Variants in ZSWIM6 observed in about 807,000 individuals in gnomAD.
ZSWIM6 encodes zinc finger SWIM-type containing 6, also known as zinc finger SWIM domain-containing protein 6.
ZSWIM6 carries 9 observed loss-of-function variants against 113.2 expected under a neutral mutation model. The observed-to-expected ratio is 0.08, with a 90% confidence interval of 0.05 to 0.14. ZSWIM6 has a LOEUF of 0.14. ZSWIM6 is among the 10% of genes least tolerant of loss of function. ZSWIM6 has a pLI of 1.00. For missense variants in ZSWIM6, 1,162 were observed against 1,552.2 expected, an observed-to-expected ratio of 0.75 and a Z score of 4.22; for synonymous variants, 611 against 606.5, an observed-to-expected ratio of 1.01 and a Z score of -0.11.
intron 2 of ZSWIM6, among the ~76,000 whole-genome samples, chr5:61,488,521 G>A (rs1033467965): frequency 3.3e-5 from 5 of 151,810 alleles, no homozygotes; most frequent in East Asian, 1.9e-4. Context: ...CTTTATTACC[G>A]ATTCAGTGTT....
intron 1 of ZSWIM6, among the ~76,000 whole-genome samples, chr5:61,431,282 G>T (rs1351783478): frequency 1.4e-5 from 2 of 148,046 alleles, no homozygotes; most frequent in Non-Finnish European, 3.0e-5. Context: ...CAGAGGCAGG[G>T]GAATCGCTTG....
At chr5:61,433,528 A>G (rs1746630186) in intron 1 of ZSWIM6, among the ~76,000 whole-genome samples, 1 of 150,168 alleles carries the variant, frequency 6.7e-6, no homozygotes. Flanking sequence ...GCTGGAGTGC[A>G]ATGGCGTGAT....
intron 4 of ZSWIM6, among the ~76,000 whole-genome samples, chr5:61,520,404 A>G (rs1408599708): frequency 6.6e-6 from 1 of 152,204 alleles, no homozygotes; most frequent in East Asian, 1.9e-4. Flanking sequence ...GTAGAAAGGA[A>G]TAATTTATCA....
At chr5:61,466,337 T>G (rs993575084) in intron 1 of ZSWIM6, among the ~76,000 whole-genome samples, 1 of 152,172 alleles carries the variant, frequency 6.6e-6, no homozygotes, top group Non-Finnish European at 1.5e-5. Flanking sequence ...GCATTAACAC[T>G]TTTGCATTTT....
At chr5:61,337,744 A>C (rs775789757) in intron 1 of ZSWIM6, among the ~76,000 whole-genome samples, 10 of 152,224 alleles carry the variant, frequency 6.6e-5, no homozygotes, top group Non-Finnish European at 8.8e-5. Context: ...ATGCATAAAA[A>C]CATCTGTAAG....
At chr5:61,481,673 G>A (rs1747870253) in intron 2 of ZSWIM6, among the ~76,000 whole-genome samples, 1 of 151,916 alleles carries the variant, frequency 6.6e-6, no homozygotes, top group African/African-American at 2.4e-5. Context: ...ACCAAATCAA[G>A]CAGTAGACAG....
At chr5:61,466,552 T>A (rs1400162473) in intron 1 of ZSWIM6, among the ~76,000 whole-genome samples, 1 of 152,216 alleles carries the variant, frequency 6.6e-6, no homozygotes, top group Non-Finnish European at 1.5e-5. Flanking sequence ...GTTACTTGGG[T>A]GCCTTGTACA....
chr5:61,332,829 C>T lies in ZSWIM6; in HGVS notation c.557C>T (p.Ala186Val), dbSNP rs776194131. 6.0e-4 allele frequency: 589 copies of T among 984,552 alleles called. No homozygotes were observed. The highest frequency in any genetic ancestry group is 6.7e-4 in the Non-Finnish European group (554 of 828,904). The allele number at this position is 984,552 out of a possible 1,614,324, so 61.0% of individuals were successfully genotyped here. A position where few individuals can be genotyped will look rare whatever the true frequency, so the allele number is the denominator to read the frequency against. The change falls in exon 1 of 14, where the codon GCC becomes GTC. Residue 186 changes from alanine (A) to valine (V), a missense_variant. Around this residue, in one of 4 missense-constraint regions of ZSWIM6, gnomAD observed 333 missense variants for 293.4 expected, o/e 1.13. Transcript: ENST00000252744. ...AAAAAAAAAG[A>V]GAPSVGAAGA... ...GCCGCCGCCGCCGCCGCCGCGGGGG[C>T]CGGGGCCCCGTCGGTGGGGGCTGCC...
At chr5:61,535,418 T>C (rs1749548072) in intron 9 of ZSWIM6, 66 bp from the exon 10 acceptor site, 1 of 1,518,794 alleles carries the variant, frequency 6.6e-7, no homozygotes, top group African/African-American at 1.4e-5. Flanking sequence ...ATTTTAACAA[T>C]ATGCTTTACA....
intron 4 of ZSWIM6, among the ~76,000 whole-genome samples, chr5:61,518,086 G>A (rs373987321): frequency 6.6e-5 from 10 of 151,752 alleles, no homozygotes; most frequent in African/African-American, 2.2e-4. Context: ...ATGATTTCCA[G>A]TTTCATCCAT....
rs149775965 is a variant in ZSWIM6, at chr5:61,526,805, G to A, written c.1837+409G>A. On this transcript the variant is annotated intron_variant, in intron 7 of 13. Coordinates refer to ENST00000252744, the MANE Select transcript of ZSWIM6 (RefSeq NM_020928.2). ...CCCAAATGGGTGCCTTAGGCAATCA[G>A]TTGACGTCTCTGTGATTTTGAATTC... Among the ~76,000 whole-genome samples, 908 of 152,284 alleles carry A rather than the reference G, an allele frequency of 6.0e-3. 11 individuals carry two copies. The highest frequency in any genetic ancestry group is 0.021 in the African/African-American group (863 of 41,546).
At chr5:61,502,823 G>C (rs191201060) in intron 4 of ZSWIM6, among the ~76,000 whole-genome samples, 1 of 152,224 alleles carries the variant, frequency 6.6e-6, no homozygotes, top group African/African-American at 2.4e-5. Context: ...TCGAGGTTGC[G>C]TGCTCCTTAT....
chr5:61,500,886 C>A (rs1016417804), intron 4 of ZSWIM6, among the ~76,000 whole-genome samples: 8 of 152,090 alleles, frequency 5.3e-5, no homozygotes, highest in African/African-American at 1.7e-4. Context: ...GAACTAGGCG[C>A]TGATAATGAC....
intron 4 of ZSWIM6, among the ~76,000 whole-genome samples, chr5:61,505,851 C>T (rs935537640): frequency 6.6e-6 from 1 of 151,454 alleles, no homozygotes; most frequent in African/African-American, 2.4e-5. Flanking sequence ...CTGGTTCATG[C>T]CACTCCTGCC....
chr5:61,394,527 C>T (rs1324222285), intron 1 of ZSWIM6, among the ~76,000 whole-genome samples: 2 of 152,194 alleles, frequency 1.3e-5, no homozygotes, highest in African/African-American at 2.4e-5. Context: ...ACCTTTTCCC[C>T]ATCTTCTTGG....
rs538238114 is a variant in ZSWIM6, at chr5:61,362,229, C to T, written c.676+29281C>T. On this transcript the variant is annotated intron_variant, in intron 1 of 13. Transcript: ENST00000252744. ...TTTTTTTTTTTCTGAGACAGTGTCTCGCTCTGTACCCCAGGCTGGAATGCA... is the reference window on the plus strand; with the variant it reads ...TTTTTTTTTTTCTGAGACAGTGTCTTGCTCTGTACCCCAGGCTGGAATGCA... 9.3e-5 allele frequency among the ~76,000 whole-genome samples: 14 copies of T among 150,728 alleles called. No individual in the cohort carries two copies. The East Asian group carries it at 2.0e-3, about 21-fold the overall frequency.
chr5:61,434,058 CAT>C (rs1018837095), intron 1 of ZSWIM6, among the ~76,000 whole-genome samples: 56 of 138,560 alleles, frequency 4.0e-4, no homozygotes, highest in Middle Eastern at 3.8e-3. Context: ...GTAATAAAAA[CAT>C]ATAATAAAAT....
intron 2 of ZSWIM6, among the ~76,000 whole-genome samples, chr5:61,477,295 A>C (rs1219752481): frequency 6.6e-6 from 1 of 152,186 alleles, no homozygotes; most frequent in East Asian, 1.9e-4. Flanking sequence ...ACTAATCCTG[A>C]AAGTAGCCTA....
At chr5:61,375,676 C>T in intron 1 of ZSWIM6, 1 of 1,545,866 alleles carries the variant, frequency 6.5e-7, no homozygotes, top group Non-Finnish European at 8.7e-7. Context: ...TGAAGATAAA[C>T]CTTTATCATC....
Sources: allele counts gnomAD v4.1 joint callset (sites outside exome capture counted in the v4.1 genomes callset), GRCh38; gene constraint gnomAD v4.1.1; regional missense constraint gnomAD v4.1.1; transcripts MANE v1.5; gene names NCBI Gene and HGNC (gene_info 2026-07-23, HGNC 2026-07-21).